Variants in C2CD4A observed in about 807,000 individuals in gnomAD.
C2CD4A encodes the protein C2 calcium-dependent domain-containing protein 4A.
Under a neutral mutation model 0.4 loss-of-function variants are expected in C2CD4A, and 2 were observed. The ratio of observed to expected loss-of-function variants is 4.45; its 90% CI spans 1.82 to 13.99. The LOEUF (loss-of-function observed/expected upper bound fraction) is 13.99, where lower values mean the gene tolerates loss of function less well. Among genes scored for constraint, C2CD4A ranks in the 30% most tolerant of loss-of-function variants. The pLI is 0.04. For missense variants in C2CD4A, 610 were observed against 574.2 expected (o/e 1.06, Z -0.64); for synonymous variants, 297 against 280.8 (o/e 1.06, Z -0.58).
chr15:62,070,529 T>C lies in C2CD4A; in HGVS notation c.*1806T>C. ...ACATTCATGTTCATTAAAAATGCTA[T>C]TTAGAAAAGAGTTTGATAAAATAAA... On this transcript the variant is annotated 3_prime_UTR_variant, in exon 2 of 2. Transcript: ENST00000355522. 2.4e-6 allele frequency: 1 copy of C among 413,512 alleles called. No homozygotes were observed. The highest frequency in any genetic ancestry group is 4.4e-6 in the Non-Finnish European group (1 of 226,142). The allele number at this position is 413,512 out of a possible 1,614,324, so 25.6% of individuals were successfully genotyped here.
At position 62,068,651 on chromosome 15, in the gene C2CD4A, G is replaced by A. The variant is rs2049063823; in HGVS notation, c.1038G>A (p.Glu346=). Residue 346 remains glutamate (E), a synonymous_variant, in exon 2 of 2, where the codon GAG becomes GAA. Transcript: ENST00000355522. ...RLAVRVKARD[E]GRGRERGRLL... ...CCGTTCGAGTCAAGGCCCGGGACGA[G>A]GGCCGCGGCCGGGAGCGGGGCCGCC... 6.4e-7 allele frequency: 1 copy of A among 1,550,618 alleles called. No homozygotes were observed.
rs1164724568 is a variant in C2CD4A at position 62,070,088 on chromosome 15, T to A, written c.*1365T>A. ...GCATGGTTTTACCTCTGGCTTCTGA[T>A]AATAATTCCAGATTTAACAATCCTG... On this transcript the variant is annotated 3_prime_UTR_variant, in exon 2 of 2. Coordinates refer to ENST00000355522, the MANE Select transcript of C2CD4A (RefSeq NM_207322.3). The A allele has an allele frequency of 2.8e-6, 1 of 352,670 alleles. No homozygotes were observed. Among genetic ancestry groups the A allele is most frequent in the Admixed American group, 4.8e-5 (1 of 20,870 alleles). The allele number at this position is 352,670 out of a possible 1,614,324, so 21.8% of individuals were successfully genotyped here.
rs1334641694 is a variant in C2CD4A, at chr15:62,069,575, C to T, written c.*852C>T. 1 of 150,154 alleles carries T rather than the reference C, an allele frequency of 6.7e-6. No homozygotes were observed. Among genetic ancestry groups the T allele is most frequent in the Non-Finnish European group, 1.5e-5 (1 of 64,906 alleles). The allele number at this position is 150,154 out of a possible 1,614,324, so 9.3% of individuals were successfully genotyped here. A position where few individuals can be genotyped will look rare whatever the true frequency, so the allele number is the denominator to read the frequency against. On this transcript the variant is annotated 3_prime_UTR_variant, in exon 2 of 2. Coordinates refer to ENST00000355522, the MANE Select transcript of C2CD4A (RefSeq NM_207322.3). ...CCAACCTGGGCAACCGGAGTGAGAC[C>T]CTGTCTGCAAATAATAATAATAATA... is the stretch of plus-strand genomic sequence containing the variant.
Position 62,068,528 on chromosome 15 carries a change from T to A in C2CD4A, c.915T>A (p.Leu305=). ...TCCTGCGGCCGCCGGGCACCGCGCT[T>A]CGGCAATGCAGCACTGTGGTGGGGC... ...SLVLRPPGTA[L]RQCSTVVGRS... is the part of the protein sequence containing the mutation. Residue 305 remains leucine (L), a synonymous_variant, in exon 2 of 2, where the codon CTT becomes CTA. Coordinates refer to ENST00000355522, the MANE Select transcript of C2CD4A (RefSeq NM_207322.3). The A allele has an allele frequency of 6.5e-7, 1 of 1,531,326 alleles. No individual in the cohort carries two copies. The highest frequency in any genetic ancestry group is 8.8e-7 in the Non-Finnish European group (1 of 1,140,382). The allele number at this position is 1,531,326 out of a possible 1,614,324, so 94.9% of individuals were successfully genotyped here. A position where few individuals can be genotyped will look rare whatever the true frequency, so the allele number is the denominator to read the frequency against.
At position 62,068,816 on chromosome 15, in the gene C2CD4A, A is replaced by T. The variant is rs551115104; in HGVS notation, c.*93A>T. 4.3e-6 allele frequency: 6 copies of T among 1,391,472 alleles called. No homozygotes were observed. Among genetic ancestry groups the T allele is most frequent in the Non-Finnish European group, 5.7e-6 (6 of 1,061,250 alleles). 86.2% of individuals were successfully genotyped at this position (1,391,472 alleles called of 1,614,324 possible). ...TAAACGTGTATTTGTTGTTCTTATC[A>T]GTCCCGTTTCAGTACAACACTGGCA... On this transcript the variant is annotated 3_prime_UTR_variant, in exon 2 of 2. Coordinates refer to ENST00000355522, the MANE Select transcript of C2CD4A (RefSeq NM_207322.3).
At chr15:62,067,533 C>G (rs1447279756) in intron 1 of C2CD4A, 52 bp from the exon 2 acceptor site, 1 of 1,421,888 alleles carries the variant, frequency 7.0e-7, no homozygotes. Context: ...ACAGGATTTA[C>G]TGCACCTTGC....
At position 62,068,658 on chromosome 15, in the gene C2CD4A, G is replaced by C. The variant is rs1362007061; in HGVS notation, c.1045G>C (p.Gly349Arg). ...VRVKARDEGR[G>R]RERGRLLGQG... ...AGTCAAGGCCCGGGACGAGGGCCGC[G>C]GCCGGGAGCGGGGCCGCCTGCTGGG... The change falls in exon 2 of 2, where the codon GGC (glycine) becomes CGC (arginine). Residue 349 changes from glycine to arginine, a missense_variant. Coordinates refer to ENST00000355522, the MANE Select transcript of C2CD4A (RefSeq NM_207322.3). The C allele has an allele frequency of 6.5e-7, 1 of 1,548,840 alleles. No individual in the cohort carries two copies. Among genetic ancestry groups the C allele is most frequent in the Admixed American group, 2.0e-5 (1 of 51,026 alleles).
chr15:62,068,890 T>C lies in C2CD4A; in HGVS notation c.*167T>C, dbSNP rs1170408292. On this transcript the variant is annotated 3_prime_UTR_variant, in exon 2 of 2. Coordinates refer to ENST00000355522, the MANE Select transcript of C2CD4A (RefSeq NM_207322.3). ...CCAGTAAAAGATATGATATTTTCCATAGATACCTCCAGAATTTTTTTCAGC... is the reference window on the plus strand; with the variant it reads ...CCAGTAAAAGATATGATATTTTCCACAGATACCTCCAGAATTTTTTTCAGC... 3.8e-6 allele frequency: 4 copies of C among 1,047,182 alleles called. No homozygotes were observed. The highest frequency in any genetic ancestry group is 3.3e-4 in the Middle Eastern group (1 of 3,010). 64.9% of individuals were successfully genotyped at this position (1,047,182 alleles called of 1,614,324 possible).
Position 62,068,145 on chromosome 15 carries a change from G to C in C2CD4A, c.532G>C (p.Gly178Arg), listed in dbSNP as rs867153086. 42 of 1,210,796 alleles carry C rather than the reference G, an allele frequency of 3.5e-5. No homozygotes were observed. Among genetic ancestry groups the C allele is most frequent in the Middle Eastern group, 3.3e-4 (1 of 3,060 alleles). The allele number at this position is 1,210,796 out of a possible 1,614,324, so 75.0% of individuals were successfully genotyped here. Residue 178 changes from glycine (G) to arginine (R), a missense_variant, in exon 2 of 2, where the codon GGC becomes CGC. Physicochemically the swap from Gly to Arg is moderately radical, Grantham distance 125. Coordinates refer to ENST00000355522, the MANE Select transcript of C2CD4A (RefSeq NM_207322.3). ...GGACGCGCTCGCCCGGCGGCCCCGC[G>C]GCTGCCGCCTCCTGCGCGTCCCCGA... ...PQDALARRPRGCRLLRVPDGL... is the reference protein window; with the variant it reads ...PQDALARRPRRCRLLRVPDGL...
Position 62,068,542 on chromosome 15 carries a change from C to G in C2CD4A, c.929C>G (p.Thr310Ser). 2 of 1,563,236 alleles carry G rather than the reference C, an allele frequency of 1.3e-6. No individual in the cohort carries two copies. The highest frequency in any genetic ancestry group is 1.7e-6 in the Non-Finnish European group (2 of 1,154,838). ...PPGTALRQCS[T>S]VVGRSRKASF... ...GGCACCGCGCTTCGGCAATGCAGCACTGTGGTGGGGCGCAGCCGCAAGGCC... is the reference window on the plus strand; with the variant it reads ...GGCACCGCGCTTCGGCAATGCAGCAGTGTGGTGGGGCGCAGCCGCAAGGCC... Residue 310 changes from threonine (T) to serine (S), a missense_variant, in exon 2 of 2, where the codon ACT becomes AGT. By Grantham distance (58) the Thr-to-Ser change is moderately conservative. Coordinates refer to ENST00000355522, the MANE Select transcript of C2CD4A (RefSeq NM_207322.3).
Position 62,070,791 on chromosome 15 carries a change from G to T in C2CD4A, c.*2068G>T. On this transcript the variant is annotated 3_prime_UTR_variant, in exon 2 of 2. Transcript: ENST00000355522. ...TATCTAATCAGTCAATATTTCCTTG[G>T]CCCTCAAGCCAACATTCATTTTTTA... is the stretch of plus-strand genomic sequence containing the variant. 1 of 327,402 alleles carries T rather than the reference G, an allele frequency of 3.1e-6. No individual in the cohort carries two copies. The highest frequency in any genetic ancestry group is 5.7e-6 in the Non-Finnish European group (1 of 174,470). 20.3% of individuals were successfully genotyped at this position (327,402 alleles called of 1,614,324 possible).
At position 62,069,667 on chromosome 15, in the gene C2CD4A, T is replaced by C. The variant is rs1440221456; in HGVS notation, c.*944T>C. ...AAAGGAGGCACTGCTATGCCCATTT[T>C]ACAGATGAGGATATTGAGGCACAGA... On this transcript the variant is annotated 3_prime_UTR_variant, in exon 2 of 2. Transcript: ENST00000355522. 1 of 167,086 alleles carries C rather than the reference T, an allele frequency of 6.0e-6. No individual in the cohort carries two copies. Among genetic ancestry groups the C allele is most frequent in the Non-Finnish European group, 1.5e-5 (1 of 68,116 alleles). 10.4% of individuals were successfully genotyped at this position (167,086 alleles called of 1,614,324 possible). A position where few individuals can be genotyped will look rare whatever the true frequency, so the allele number is the denominator to read the frequency against.
Position 62,068,720 on chromosome 15 carries a change from C to T in C2CD4A, c.1107C>T (p.Leu369=). The T allele has an allele frequency of 2.0e-6, 3 of 1,497,464 alleles. No homozygotes were observed. Among genetic ancestry groups the T allele is most frequent in the Non-Finnish European group, 2.7e-6 (3 of 1,120,304 alleles). 92.8% of individuals were successfully genotyped at this position (1,497,464 alleles called of 1,614,324 possible). The part of the protein sequence containing the change: ...GELSLGALLL[L] ...TGTCCCTGGGCGCCCTCCTGCTGCT[C>T]TGAGGGCCCAGCCCTCCCCGGGGCG... The change falls in exon 2 of 2, where the codon CTC becomes CTT. Residue 369 remains leucine, a synonymous_variant. Coordinates refer to ENST00000355522, the MANE Select transcript of C2CD4A (RefSeq NM_207322.3).
chr15:62,068,614 T>C lies in C2CD4A; in HGVS notation c.1001T>C (p.Val334Ala). ...FCFDGLSEDEVRRLAVRVKAR... is the reference protein window; with the variant it reads ...FCFDGLSEDEARRLAVRVKAR... Reference sequence around the variant, plus strand: ...TTCGACGGCCTCTCGGAGGACGAAGTGCGCCGCCTGGCCGTTCGAGTCAAG... The same window carrying C: ...TTCGACGGCCTCTCGGAGGACGAAGCGCGCCGCCTGGCCGTTCGAGTCAAG... The change falls in exon 2 of 2, where the codon GTG becomes GCG. Residue 334 changes from valine (V) to alanine (A), a missense_variant. Physicochemically the swap from Val to Ala is moderately conservative, Grantham distance 64. Transcript: ENST00000355522. 1 of 1,561,140 alleles carries C rather than the reference T, an allele frequency of 6.4e-7. No individual in the cohort carries two copies. Among genetic ancestry groups the C allele is most frequent in the Non-Finnish European group, 8.7e-7 (1 of 1,152,902 alleles).
rs761653091 is a variant in C2CD4A at position 62,067,975 on chromosome 15, T to C, written c.362T>C (p.Leu121Pro). ...CACACGCGCCGCAAGGAGTCGCTCC[T>C]GCTCGGGGGCCCGCCCGCGCCCCGG... Reference protein sequence around the residue: ...SPHTRRKESLLLGGPPAPRPR... With the variant: ...SPHTRRKESLPLGGPPAPRPR... The change falls in exon 2 of 2, where the codon CTG (leucine) becomes CCG (proline). Residue 121 changes from leucine to proline, a missense_variant. By Grantham distance (98) the Leu-to-Pro change is moderately conservative (BLOSUM62 -3). Transcript: ENST00000355522. 3,273 of 1,447,252 alleles carry C rather than the reference T, an allele frequency of 2.3e-3. 7 individuals are homozygous for C. Among genetic ancestry groups the C allele is most frequent in the Non-Finnish European group, 2.7e-3 (3,015 of 1,110,800 alleles). 89.7% of individuals were successfully genotyped at this position (1,447,252 alleles called of 1,614,324 possible). A position where few individuals can be genotyped will look rare whatever the true frequency, so the allele number is the denominator to read the frequency against.
rs2049070414 is a variant in C2CD4A, at chr15:62,069,472, A to C, written c.*749A>C. The C allele has an allele frequency of 6.5e-6, 1 of 153,852 alleles. No homozygotes were observed. Among genetic ancestry groups the C allele is most frequent in the African/African-American group, 2.4e-5 (1 of 41,380 alleles). 9.5% of individuals were successfully genotyped at this position (153,852 alleles called of 1,614,324 possible). ...GTGGCACGCACCTGTAGTTCCAGCT[A>C]CTCTGGGGCTGAGGCGCAAGGATCA... On this transcript the variant is annotated 3_prime_UTR_variant, in exon 2 of 2. Coordinates refer to ENST00000355522, the MANE Select transcript of C2CD4A (RefSeq NM_207322.3).
rs1306439952 is a variant in C2CD4A at position 62,070,670 on chromosome 15, C to A, written c.*1947C>A. The A allele has an allele frequency of 4.9e-6, 2 of 408,380 alleles. No individual in the cohort carries two copies. The highest frequency in any genetic ancestry group is 8.9e-6 in the Non-Finnish European group (2 of 223,480). The allele number at this position is 408,380 out of a possible 1,614,324, so 25.3% of individuals were successfully genotyped here. On this transcript the variant is annotated 3_prime_UTR_variant, in exon 2 of 2. Coordinates refer to ENST00000355522, the MANE Select transcript of C2CD4A (RefSeq NM_207322.3). ...ACAAATGTGAAGAATACTGTGAATTCTATGACTTTATCAAAATCAGCCACA... is the reference window on the plus strand; with the variant it reads ...ACAAATGTGAAGAATACTGTGAATTATATGACTTTATCAAAATCAGCCACA...
chr15:62,067,344 G>C (rs1436632199), intron 1 of C2CD4A, among the ~76,000 whole-genome samples: 3 of 152,190 alleles, frequency 2.0e-5, no homozygotes, highest in African/African-American at 4.8e-5. Context: ...CCAGGGCGGA[G>C]AGGGATTAAA....
rs767258098 is a variant in C2CD4A at position 62,068,443 on chromosome 15, C to T, written c.830C>T (p.Ala277Val). Residue 277 changes from alanine to valine, a missense_variant, in exon 2 of 2, where the codon GCC becomes GTC. Coordinates refer to ENST00000355522, the MANE Select transcript of C2CD4A (RefSeq NM_207322.3). Reference sequence around the variant, plus strand: ...CGGCTCCGCCTCCGGCTGCTCCGCGCCGAGAGCCCGGCCGGAGGCGCCCCC... The same window carrying T: ...CGGCTCCGCCTCCGGCTGCTCCGCGTCGAGAGCCCGGCCGGAGGCGCCCCC... Reference protein sequence around the residue: ...TGRLRLRLLRAESPAGGAPGP... With the variant: ...TGRLRLRLLRVESPAGGAPGP... 7.1e-6 allele frequency: 10 copies of T among 1,416,586 alleles called. No homozygotes were observed. The African/African-American group carries it at 1.2e-4, about 17-fold the overall frequency. 87.8% of individuals were successfully genotyped at this position (1,416,586 alleles called of 1,614,324 possible).
Sources: gnomAD v4.1 joint callset for allele counts (sites outside exome capture counted in the v4.1 genomes callset) on GRCh38, gnomAD v4.1.1 for gene constraint, MANE v1.5 for transcripts, NCBI Gene and HGNC (gene_info 2026-07-23, HGNC 2026-07-21) for gene names.